KIAA1328: variants seen among roughly 807,000 people sequenced by gnomAD.
The protein encoded by KIAA1328 is protein hinderin.
In KIAA1328, 52 loss-of-function variants were observed where a neutral mutation model predicts 68.1. The ratio of observed to expected loss-of-function variants is 0.76; its 90% CI spans 0.61 to 0.96. The LOEUF (loss-of-function observed/expected upper bound fraction) is 0.96. KIAA1328 is among the 40% of genes least tolerant of loss of function. The pLI is 0.00. For missense variants in KIAA1328, 641 were observed against 677.6 expected, an observed-to-expected ratio of 0.95 and a Z score of 0.60; for synonymous variants, 232 against 239.4, an observed-to-expected ratio of 0.97 and a Z score of 0.28.
chr18:37,131,556 C>T (rs1004705691), intron 7 of KIAA1328, among the ~76,000 whole-genome samples: 1 of 152,174 alleles, frequency 6.6e-6, no homozygotes, highest in Admixed American at 6.5e-5. Flanking sequence ...AATAAACAAC[C>T]CAGCATCACA....
In KIAA1328 at chr18:36,897,190, A is replaced by C. The variant is rs1044330832; in HGVS notation, c.448+11518A>C. Among the ~76,000 whole-genome samples, 17 of 152,146 alleles carry C rather than the reference A, an allele frequency of 1.1e-4. 1 individual carries two copies. In the East Asian group the frequency reaches 1.5e-3, roughly 14 times the overall value. Reference sequence around the variant, plus strand: ...TCCCCCAGTTTTATTATCTTTTCTTAATACAGAATCCCAGGCTATTGAGCA... The same window carrying C: ...TCCCCCAGTTTTATTATCTTTTCTTCATACAGAATCCCAGGCTATTGAGCA... On this transcript the variant is annotated intron_variant, in intron 5 of 9. Coordinates refer to ENST00000280020, the MANE Select transcript of KIAA1328 (RefSeq NM_020776.3).
downstream of KIAA1328, chr18:37,229,434 T>G (rs2060654987): frequency 1.9e-6 from 1 of 526,904 alleles, no homozygotes; most frequent in Non-Finnish European, 2.9e-6. Context: ...TGAGGGTGAT[T>G]TTTTGCACCA....
intron 6 of KIAA1328, among the ~76,000 whole-genome samples, chr18:36,983,026 T>TA (rs1226770186): frequency 1.3e-5 from 2 of 151,942 alleles, no homozygotes; most frequent in Admixed American, 6.5e-5. Context: ...CTGGTTTTTT[T>TA]AAAAAAATTA....
intron 7 of KIAA1328, among the ~76,000 whole-genome samples, chr18:37,102,090 A>G (rs2057635896): frequency 6.6e-6 from 1 of 152,236 alleles, no homozygotes; most frequent in Non-Finnish European, 1.5e-5. Context: ...GATAATATAC[A>G]TGTAAAAATT....
intron 5 of KIAA1328, among the ~76,000 whole-genome samples, chr18:36,896,753 A>G (rs551132626): frequency 1.2e-4 from 19 of 152,288 alleles, no homozygotes; most frequent in African/African-American, 4.6e-4. Context: ...TCTCATAATT[A>G]TCATTCAGGG....
chr18:37,193,028 T>G (rs1169890053), intron 9 of KIAA1328, among the ~76,000 whole-genome samples: 2 of 152,124 alleles, frequency 1.3e-5, no homozygotes, highest in African/African-American at 4.8e-5. Flanking sequence ...ATCTCTGAGA[T>G]CAAGTTCATT....
At chr18:36,879,148 A>T (rs980912757) in intron 4 of KIAA1328, among the ~76,000 whole-genome samples, 1 of 149,540 alleles carries the variant, frequency 6.7e-6, no homozygotes, top group African/African-American at 2.5e-5. Context: ...CCTCATCTTC[A>T]TGGATTTATC....
intron 5 of KIAA1328, among the ~76,000 whole-genome samples, chr18:36,899,245 A>G (rs562528933): frequency 1.3e-5 from 2 of 151,908 alleles, no homozygotes; most frequent in African/African-American, 4.8e-5. Context: ...TATTTATAGC[A>G]CTTGACTTTT....
chr18:36,922,681 C>G (rs566222786), intron 5 of KIAA1328, among the ~76,000 whole-genome samples: 5 of 152,028 alleles, frequency 3.3e-5, no homozygotes, highest in African/African-American at 1.2e-4. Context: ...TTTTTTCTTT[C>G]GTTTTATGAG....
chr18:37,108,326 C>T (rs182993535), intron 7 of KIAA1328, among the ~76,000 whole-genome samples: 4 of 147,254 alleles, frequency 2.7e-5, no homozygotes, highest in Admixed American at 6.8e-5. Flanking sequence ...ATTGAGCACA[C>T]ATAAACTAAA....
intron 4 of KIAA1328, among the ~76,000 whole-genome samples, chr18:36,873,204 C>A (rs1021751358): frequency 6.6e-6 from 1 of 152,124 alleles, no homozygotes; most frequent in Non-Finnish European, 1.5e-5. Context: ...TTACTATAAG[C>A]ACCAAAAAGA....
chr18:37,032,909 G>C (rs1269715133), intron 6 of KIAA1328, among the ~76,000 whole-genome samples: 1 of 152,112 alleles, frequency 6.6e-6, no homozygotes, highest in Non-Finnish European at 1.5e-5. Context: ...CCAAAGTGCC[G>C]AGATTACAGG....
intron 6 of KIAA1328, among the ~76,000 whole-genome samples, chr18:36,981,404 G>A (rs1455182028): frequency 6.6e-6 from 1 of 151,904 alleles, no homozygotes; most frequent in African/African-American, 2.4e-5. Flanking sequence ...TACAACACTG[G>A]GAATTCAAAG....
chr18:37,050,308 G>A (rs973244707), intron 6 of KIAA1328, among the ~76,000 whole-genome samples: 2 of 152,072 alleles, frequency 1.3e-5, no homozygotes, highest in African/African-American at 4.8e-5. Flanking sequence ...ATGAATCTTA[G>A]TATTAGTTGG....
At chr18:36,938,199 T>C (rs2050577193) in intron 5 of KIAA1328, among the ~76,000 whole-genome samples, 1 of 152,184 alleles carries the variant, frequency 6.6e-6, no homozygotes, top group African/African-American at 2.4e-5. Flanking sequence ...AATGGCTCTG[T>C]TAATTTACAT....
At chr18:36,840,364 G>A (rs2046818497) in intron 3 of KIAA1328, among the ~76,000 whole-genome samples, 1 of 151,988 alleles carries the variant, frequency 6.6e-6, no homozygotes. Context: ...CTACATTGTC[G>A]GGGGTATATG....
At chr18:36,851,445 G>C (rs1343210429) in intron 4 of KIAA1328, among the ~76,000 whole-genome samples, 2 of 151,574 alleles carry the variant, frequency 1.3e-5, no homozygotes, top group South Asian at 2.1e-4. Flanking sequence ...GATTGTCTTT[G>C]TTGGGAAGAT....
intron 5 of KIAA1328, among the ~76,000 whole-genome samples, chr18:36,932,284 A>G (rs1299502643): frequency 6.6e-6 from 1 of 152,196 alleles, no homozygotes. Flanking sequence ...GTGTGGTGGC[A>G]TGATCACAGC....
At chr18:36,944,150 C>T (rs1416383103) in intron 5 of KIAA1328, among the ~76,000 whole-genome samples, 4 of 152,154 alleles carry the variant, frequency 2.6e-5, no homozygotes, top group Non-Finnish European at 5.9e-5. Context: ...TGTGCATACT[C>T]TACTGGATAA....
Sources: gnomAD v4.1 joint callset for allele counts (sites outside exome capture counted in the v4.1 genomes callset) on GRCh38, gnomAD v4.1.1 for gene constraint, MANE v1.5 for transcripts, NCBI Gene and HGNC (gene_info 2026-07-23, HGNC 2026-07-21) for gene names.